Variants in MPPED2 observed in about 807,000 individuals in gnomAD.
MPPED2 encodes metallophosphoesterase MPPED2.
A neutral mutation model predicts 33.0 loss-of-function variants in MPPED2; 5 were observed. The ratio of observed to expected loss-of-function variants is 0.15; its 90% CI spans 0.08 to 0.32. The LOEUF is 0.32. Ranked by LOEUF, MPPED2 falls within the 10% of genes least tolerant of loss-of-function variation. The pLI, the probability that MPPED2 is intolerant of heterozygous loss-of-function variation, is 1.00. For synonymous variants in MPPED2, 136 were observed against 141.9 expected (o/e 0.96, Z 0.29); for missense variants, 275 against 372.1 (o/e 0.74, Z 2.15).
In MPPED2 at chr11:30,414,268, T is replaced by C. The variant is rs1458564010; in HGVS notation, c.726A>G (p.Arg242=). 1.9e-6 allele frequency: 3 copies of C among 1,614,056 alleles called. No individual in the cohort carries two copies. In the South Asian group the frequency reaches 3.3e-5, roughly 18 times the overall value. The change falls in exon 6 of 7, where the codon CGA becomes CGG. Residue 242 remains arginine, a synonymous_variant. Transcript: ENST00000358117. ...CAAACACATGGAGCTTGGGCCGGAC[T>C]CGCCTCTGAACCGTGTTTAACAGCT... is the stretch of plus-strand genomic sequence containing the variant. ...CVELLNTVQR[R]VRPKLHVFGG... is the part of the protein sequence containing the mutation.
chr11:30,466,680 G>T (rs776363016), intron 4 of MPPED2, among the ~76,000 whole-genome samples: 1 of 152,208 alleles, frequency 6.6e-6, no homozygotes, highest in Non-Finnish European at 1.5e-5. Context: ...TGAACCAAAG[G>T]TTAGACCAGA....
At chr11:30,569,964 A>G (rs1956619735) in intron 2 of MPPED2, among the ~76,000 whole-genome samples, 1 of 152,050 alleles carries the variant, frequency 6.6e-6, no homozygotes. Flanking sequence ...TGATCTCACA[A>G]ACACATCTGC....
At chr11:30,494,116 A>G (rs891994314) in intron 4 of MPPED2, among the ~76,000 whole-genome samples, 3 of 152,242 alleles carry the variant, frequency 2.0e-5, no homozygotes, top group African/African-American at 7.2e-5. Context: ...CTCAGGAAGG[A>G]CAATCAGAGT....
At chr11:30,513,706 C>T (rs774483748) in intron 3 of MPPED2, among the ~76,000 whole-genome samples, 1 of 152,062 alleles carries the variant, frequency 6.6e-6, no homozygotes, top group Admixed American at 6.6e-5. Context: ...GAAAGGGACA[C>T]AGGTGGCTAG....
At chr11:30,476,182 T>C (rs1268877473) in intron 4 of MPPED2, among the ~76,000 whole-genome samples, 1 of 151,974 alleles carries the variant, frequency 6.6e-6, no homozygotes, top group African/African-American at 2.4e-5. Context: ...GAAAATATGT[T>C]CCCCTAGACT....
chr11:30,411,099 T>C lies in MPPED2; in HGVS notation c.*369A>G. ...TCTTAAACAGTTGTGCAAATCTGTG[T>C]TGGTTTTTAAAACACTGCCTGTTTC... is the stretch of plus-strand genomic sequence containing the variant. On this transcript the variant is annotated 3_prime_UTR_variant, in exon 7 of 7. Coordinates refer to ENST00000358117, the MANE Select transcript of MPPED2 (RefSeq NM_001584.3). 1.0e-6 allele frequency: 1 copy of C among 990,480 alleles called. No individual in the cohort carries two copies. Among genetic ancestry groups the C allele is most frequent in the Non-Finnish European group, 1.2e-6 (1 of 832,910 alleles). The allele number at this position is 990,480 out of a possible 1,614,324, so 61.4% of individuals were successfully genotyped here. A position where few individuals can be genotyped will look rare whatever the true frequency, so the allele number is the denominator to read the frequency against.
At chr11:30,478,368 T>C (rs993185679) in intron 4 of MPPED2, among the ~76,000 whole-genome samples, 2 of 151,812 alleles carry the variant, frequency 1.3e-5, no homozygotes, top group South Asian at 4.2e-4. Flanking sequence ...AGCAAAAGAA[T>C]GAAAAAAACA....
intron 2 of MPPED2, among the ~76,000 whole-genome samples, chr11:30,555,781 C>T (rs942710886): frequency 6.6e-6 from 1 of 152,066 alleles, no homozygotes; most frequent in Admixed American, 6.5e-5. Context: ...TTCTTCATAG[C>T]AGTATGAAAA....
intron 4 of MPPED2, among the ~76,000 whole-genome samples, chr11:30,442,959 C>T (rs1370910740): frequency 1.3e-5 from 2 of 152,144 alleles, no homozygotes; most frequent in East Asian, 3.9e-4. Flanking sequence ...CACCACTGCA[C>T]GCCAGCCTGG....
intron 4 of MPPED2, among the ~76,000 whole-genome samples, chr11:30,463,437 C>T (rs1950585514): frequency 6.6e-6 from 1 of 152,180 alleles, no homozygotes; most frequent in South Asian, 2.1e-4. Flanking sequence ...GCACTTGTGA[C>T]CCAGGCTAAG....
intron 4 of MPPED2, among the ~76,000 whole-genome samples, chr11:30,425,875 A>G (rs1278068782): frequency 6.6e-6 from 1 of 152,198 alleles, no homozygotes; most frequent in Admixed American, 6.5e-5. Context: ...TGAAAGAAAA[A>G]GGGAGGCTTA....
At chr11:30,484,689 T>G (rs1951639932) in intron 4 of MPPED2, among the ~76,000 whole-genome samples, 2 of 152,218 alleles carry the variant, frequency 1.3e-5, no homozygotes. Flanking sequence ...CCCATATGTC[T>G]TCATTTAACA....
intron 4 of MPPED2, among the ~76,000 whole-genome samples, chr11:30,427,213 A>G (rs773906680): frequency 6.6e-6 from 1 of 152,242 alleles, no homozygotes; most frequent in Non-Finnish European, 1.5e-5. Context: ...GTCTTGTTAC[A>G]TAGCGAACTC....
chr11:30,421,846 C>T (rs1326454285), intron 4 of MPPED2, among the ~76,000 whole-genome samples: 1 of 152,206 alleles, frequency 6.6e-6, no homozygotes, highest in East Asian at 1.9e-4. Flanking sequence ...TGGAATTGTG[C>T]AACCGAGGTG....
At chr11:30,451,747 C>T (rs1950073673) in intron 4 of MPPED2, 1 of 982,948 alleles carries the variant, frequency 1.0e-6, no homozygotes, top group Non-Finnish European at 1.2e-6. Flanking sequence ...CTGTAGGACT[C>T]ATTATTATGC....
At chr11:30,495,184 T>G (rs965411013) in intron 4 of MPPED2, 112 bp downstream of exon 4, 12 of 743,682 alleles carry the variant, frequency 1.6e-5, no homozygotes, top group Non-Finnish European at 2.5e-5. Flanking sequence ...AATACAGCAA[T>G]AAGGTTTCCT....
At position 30,479,055 on chromosome 11, in the gene MPPED2, G is replaced by A. The variant is rs78229639; in HGVS notation, c.536+16241C>T. On this transcript the variant is annotated intron_variant, in intron 4 of 6. Transcript: ENST00000358117. ...AGCTTATCCACATGTCAAGGGCCGTGGGACATTTTCCCAGAGGGCCTGGAC... is the reference window on the plus strand; with the variant it reads ...AGCTTATCCACATGTCAAGGGCCGTAGGACATTTTCCCAGAGGGCCTGGAC... 9.8e-3 allele frequency among the ~76,000 whole-genome samples: 1,486 copies of A among 152,154 alleles called. 19 individuals are homozygous for A. The highest frequency in any genetic ancestry group is 0.034 in the Middle Eastern group (10 of 294).
In MPPED2 at chr11:30,500,297, TC is replaced by T. The variant is rs544137032; in HGVS notation, c.311-4777del. Among the ~76,000 whole-genome samples the T allele has an allele frequency of 9.2e-5, 14 of 152,282 alleles. No homozygotes were observed. The East Asian group carries it at 2.5e-3, about 27-fold the overall frequency. On this transcript the variant is annotated intron_variant, in intron 3 of 6. Transcript: ENST00000358117. ...GTTCTCCTCCTCCCTCTCTGATATTTCCTCTCCTCTCTCTTCTTCCTCAGCT... is the reference window on the plus strand; with the variant it reads ...GTTCTCCTCCTCCCTCTCTGATATTTCTCTCCTCTCTCTTCTTCCTCAGCT...
At chr11:30,579,540 GC>G (rs1431901515) in intron 2 of MPPED2, among the ~76,000 whole-genome samples, 2 of 152,156 alleles carry the variant, frequency 1.3e-5, no homozygotes, top group African/African-American at 4.8e-5. Flanking sequence ...GCAACCAGGT[GC>G]TGCAAAATCC....
Sources: allele counts gnomAD v4.1 joint callset (sites outside exome capture counted in the v4.1 genomes callset), GRCh38; gene constraint gnomAD v4.1.1; transcripts MANE v1.5; gene names NCBI Gene and HGNC (gene_info 2026-07-23, HGNC 2026-07-21).